ZHX2: variants seen among roughly 807,000 people sequenced by gnomAD.
ZHX2 encodes zinc fingers and homeoboxes 2.
A neutral mutation model predicts 21.9 loss-of-function variants in ZHX2; 6 were observed. The ratio of observed to expected loss-of-function variants is 0.27; its 90% CI spans 0.15 to 0.54. The LOEUF (loss-of-function observed/expected upper bound fraction) is 0.54, where lower values mean the gene tolerates loss of function less well. Among genes scored for constraint, ZHX2 ranks in the 20% least tolerant of loss-of-function variants. The pLI is 0.95. For synonymous variants in ZHX2, 434 were observed against 437.1 expected, an observed-to-expected ratio of 0.99 and a Z score of 0.09; for missense variants, 908 against 1,090.7, an observed-to-expected ratio of 0.83 and a Z score of 2.36.
intron 1 of ZHX2, among the ~76,000 whole-genome samples, chr8:122,797,471 C>T (rs1817634929): frequency 6.6e-6 from 1 of 152,246 alleles, no homozygotes. Context: ...GAACCCTGGG[C>T]TGGCTGTGCT....
intron 1 of ZHX2, among the ~76,000 whole-genome samples, chr8:122,799,752 T>C (rs1311335771): frequency 1.3e-5 from 2 of 152,222 alleles, no homozygotes; most frequent in African/African-American, 2.4e-5. Flanking sequence ...GCATCCTTTT[T>C]CCCCAGATTC....
chr8:122,840,122 C>T (rs1187069054), intron 1 of ZHX2, among the ~76,000 whole-genome samples: 1 of 152,182 alleles, frequency 6.6e-6, no homozygotes, highest in East Asian at 1.9e-4. Context: ...TTTGTTTAAA[C>T]CAACTTCCTG....
At chr8:122,825,786 G>A (rs760118994) in intron 1 of ZHX2, among the ~76,000 whole-genome samples, 23 of 152,220 alleles carry the variant, frequency 1.5e-4, no homozygotes, top group Non-Finnish European at 1.5e-5. Context: ...TAAGTGAAAT[G>A]GAGGGCTACA....
chr8:122,894,029 G>A (rs1820040260), intron 2 of ZHX2, among the ~76,000 whole-genome samples: 1 of 152,210 alleles, frequency 6.6e-6, no homozygotes, highest in Admixed American at 6.5e-5. Flanking sequence ...TGGCTTTGGT[G>A]GTAGGTGGAT....
chr8:122,966,264 T>C (rs1048468591), intron 3 of ZHX2, among the ~76,000 whole-genome samples: 15 of 152,232 alleles, frequency 9.9e-5, no homozygotes, highest in African/African-American at 3.4e-4. Context: ...GATTTATGCT[T>C]TAAGAAGGTT....
chr8:122,823,659 T>C (rs1818201731), intron 1 of ZHX2, among the ~76,000 whole-genome samples: 1 of 152,210 alleles, frequency 6.6e-6, no homozygotes, highest in Non-Finnish European at 1.5e-5. Flanking sequence ...TCCTGCAAGA[T>C]GCTCTGTGAC....
chr8:122,957,034 G>A (rs899005174), intron 3 of ZHX2, among the ~76,000 whole-genome samples: 23 of 152,126 alleles, frequency 1.5e-4, no homozygotes, highest in Admixed American at 2.6e-4. Context: ...AATGATGAAC[G>A]AAGGTCGCCT....
At chr8:122,887,103 GAGTT>G (rs1819862066) in intron 2 of ZHX2, among the ~76,000 whole-genome samples, 2 of 149,196 alleles carry the variant, frequency 1.3e-5, no homozygotes, top group Non-Finnish European at 3.0e-5. Context: ...GTACATGAGT[GAGTT>G]AGGAGTGTGG....
chr8:122,943,371 C>T (rs1209638647), intron 2 of ZHX2, among the ~76,000 whole-genome samples: 3 of 152,248 alleles, frequency 2.0e-5, no homozygotes, highest in East Asian at 1.9e-4. Flanking sequence ...ACGTAAAGTT[C>T]GTATCCCAGT....
chr8:122,890,011 G>A (rs1207654163), intron 2 of ZHX2, among the ~76,000 whole-genome samples: 1 of 152,016 alleles, frequency 6.6e-6, no homozygotes, highest in East Asian at 1.9e-4. Flanking sequence ...TGCTTTTGAG[G>A]TCTTATCCAT....
At chr8:122,849,460 G>A (rs902408492) in intron 1 of ZHX2, among the ~76,000 whole-genome samples, 2 of 152,196 alleles carry the variant, frequency 1.3e-5, no homozygotes, top group African/African-American at 2.4e-5. Flanking sequence ...GAGGCTGAGA[G>A]TCTGGAATCA....
rs542169449 is a variant in ZHX2, at chr8:122,887,474, C to T, written c.-220+23935C>T. On this transcript the variant is annotated intron_variant, in intron 2 of 3. Coordinates refer to ENST00000314393, the MANE Select transcript of ZHX2 (RefSeq NM_014943.5). The stretch of plus-strand genomic sequence containing the variant: ...CAGAGGTTGCAGTGAGCCGAGATTG[C>T]GCCACTGCACTCCAGCCTGGGTGAC... 2.4e-4 allele frequency among the ~76,000 whole-genome samples: 37 copies of T among 151,904 alleles called. 1 individual carries two copies. The highest frequency in any genetic ancestry group is 1.3e-3 in the Admixed American group (20 of 15,264).
At chr8:122,906,764 G>A (rs1048030964) in intron 2 of ZHX2, among the ~76,000 whole-genome samples, 7 of 148,950 alleles carry the variant, frequency 4.7e-5, no homozygotes, top group African/African-American at 1.7e-4. Context: ...TCCTCCTCCA[G>A]GGTTTAAGTG....
intron 1 of ZHX2, among the ~76,000 whole-genome samples, chr8:122,837,755 A>G (rs1463689025): frequency 6.6e-6 from 1 of 152,180 alleles, no homozygotes; most frequent in Non-Finnish European, 1.5e-5. Context: ...GGAGGTACAG[A>G]ATGCAGCATT....
chr8:122,880,162 TGG>T (rs542890062), intron 2 of ZHX2, among the ~76,000 whole-genome samples: 1 of 151,896 alleles, frequency 6.6e-6, no homozygotes, highest in South Asian at 2.1e-4. Flanking sequence ...TTCGTAGAGA[TGG>T]GGTTTCACCA....
chr8:122,883,258 C>T (rs906537029), intron 2 of ZHX2, among the ~76,000 whole-genome samples: 1 of 152,134 alleles, frequency 6.6e-6, no homozygotes, highest in Non-Finnish European at 1.5e-5. Flanking sequence ...GTGCAATGCT[C>T]GACCTGAGCC....
At chr8:122,879,489 G>A (rs1280053087) in intron 2 of ZHX2, among the ~76,000 whole-genome samples, 3 of 149,788 alleles carry the variant, frequency 2.0e-5, no homozygotes, top group South Asian at 4.2e-4. Flanking sequence ...ATAGGTATGA[G>A]CCACTGCACC....
intron 1 of ZHX2, among the ~76,000 whole-genome samples, chr8:122,852,621 A>G (rs1196938930): frequency 6.6e-6 from 1 of 152,084 alleles, no homozygotes; most frequent in Non-Finnish European, 1.5e-5. Context: ...CAGGGAATGT[A>G]CTCTGTCATA....
At chr8:122,919,150 C>T (rs1820676868) in intron 2 of ZHX2, among the ~76,000 whole-genome samples, 1 of 152,182 alleles carries the variant, frequency 6.6e-6, no homozygotes, top group South Asian at 2.1e-4. Context: ...CAGCACAGCA[C>T]TTGCTAATCT....
Sources: allele counts gnomAD v4.1 joint callset (sites outside exome capture counted in the v4.1 genomes callset), GRCh38; gene constraint gnomAD v4.1.1; transcripts MANE v1.5; gene names NCBI Gene and HGNC (gene_info 2026-07-23, HGNC 2026-07-21).